MYO9B: variants seen among roughly 807,000 people sequenced by gnomAD.
The protein encoded by MYO9B is myosin IXB, also known as unconventional myosin-IXb.
In MYO9B, 71 loss-of-function variants were observed where a neutral mutation model predicts 229.5. The observed-to-expected ratio is 0.31, with a 90% CI of 0.26 to 0.38. The LOEUF is 0.38. MYO9B is among the 10% of genes least tolerant of loss of function. The pLI is 1.00. For synonymous variants in MYO9B, 1,185 were observed against 1,235.8 expected (o/e 0.96, Z 0.86); for missense variants, 2,255 against 2,920.5 (o/e 0.77, Z 5.25).
intron 2 of MYO9B, among the ~76,000 whole-genome samples, chr19:17,120,786 G>GGAGAGA (rs141471234): frequency 6.6e-6 from 1 of 151,594 alleles, no homozygotes; most frequent in Non-Finnish European, 1.5e-5. Context: ...TATATGTTCT[G>GGAGAGA]GAGAGAGAGA....
chr19:17,165,910 C>T (rs2072654016), intron 10 of MYO9B, among the ~76,000 whole-genome samples: 1 of 152,168 alleles, frequency 6.6e-6, no homozygotes, highest in Non-Finnish European at 1.5e-5. Flanking sequence ...TGGCACATAG[C>T]CTTTGGTTTG....
chr19:17,193,176 T>C lies in MYO9B; in HGVS notation c.3128+114T>C. 8.3e-7 allele frequency: 1 copy of C among 1,198,694 alleles called. No individual in the cohort carries two copies. Among genetic ancestry groups the C allele is most frequent in the Non-Finnish European group, 1.1e-6 (1 of 902,258 alleles). 74.3% of individuals were successfully genotyped at this position (1,198,694 alleles called of 1,614,324 possible). On this transcript the variant is annotated intron_variant, in intron 21 of 39. Transcript: ENST00000682292. The surrounding 1 kb of genome is among the most constrained non-coding windows in gnomAD (Gnocchi z 4.3). ...CTGTGGCACTAAGGGGATGTCATTC[T>C]GGACACAGGGAAAGGCTGGTGGGAA...
At position 17,172,339 on chromosome 19, in the gene MYO9B, C is replaced by T. The variant is rs2072733881; in HGVS notation, c.1797C>T (p.Phe599=). 6.2e-7 allele frequency: 1 copy of T among 1,613,886 alleles called. No individual in the cohort carries two copies. Among genetic ancestry groups the T allele is most frequent in the Non-Finnish European group, 8.5e-7 (1 of 1,179,828 alleles). The change falls in exon 12 of 40, where the codon TTC becomes TTT. Residue 599 remains phenylalanine, a synonymous_variant. Coordinates refer to ENST00000682292, the MANE Select transcript of MYO9B (RefSeq NM_004145.4). The surrounding 1 kb of genome is among the most constrained non-coding windows in gnomAD (Gnocchi z 8.2). ...LFYLLDEESN[F]PHATSQTLLA... The stretch of plus-strand genomic sequence containing the variant: ...AGGTTCCATGTTCTGTTCCCAGCTT[C>T]CCCCACGCCACGAGCCAGACCCTGC...
chr19:17,188,031 A>AAGTACACGTTCCAGGTAGGCCACAAGCAC lies in MYO9B; in HGVS notation c.2676_2688+16dup. The AAGTACACGTTCCAGGTAGGCCACAAGCAC allele has an allele frequency of 1.3e-6, 2 of 1,595,296 alleles. No homozygotes were observed. Among genetic ancestry groups the AAGTACACGTTCCAGGTAGGCCACAAGCAC allele is most frequent in the Non-Finnish European group, 1.7e-6 (2 of 1,171,142 alleles). On this transcript the variant is annotated frameshift_variant, in exon 19 of 40. Transcript: ENST00000682292. LOFTEE classifies it high-confidence loss of function. ...CATCCGGAGGTCAGGGTACAGCGCC[A>AAGTACACGTTCCAGGTAGGCCACAAGCAC]AGTACACGTTCCAGGTAGGCCACAA...
intron 1 of MYO9B, among the ~76,000 whole-genome samples, chr19:17,098,049 C>A (rs1005999576): frequency 2.0e-5 from 3 of 147,780 alleles, no homozygotes; most frequent in South Asian, 2.2e-4. Context: ...TTCAGAACCC[C>A]CCCCCCCCAC....
At chr19:17,136,103 G>A (rs1045315705) in intron 2 of MYO9B, among the ~76,000 whole-genome samples, 2 of 150,748 alleles carry the variant, frequency 1.3e-5, no homozygotes, top group African/African-American at 2.4e-5. Flanking sequence ...TTCCTGGGAC[G>A]TTATTTTAGG....
chr19:17,206,238 C>A lies in MYO9B; in HGVS notation c.5258-10C>A. On this transcript the variant is annotated splice_polypyrimidine_tract_variant and intron_variant, in intron 32 of 39. Transcript: ENST00000682292. ...CGCCGCTCACCAGACCCACCCCACC[C>A]ACCCCACAGACCCCGCAGCAGTCAA... is the stretch of plus-strand genomic sequence containing the variant. 3 of 1,566,302 alleles carry A rather than the reference C, an allele frequency of 1.9e-6. No homozygotes were observed. The highest frequency in any genetic ancestry group is 2.7e-5 in the African/African-American group (2 of 73,718).
chr19:17,195,990 TG>T lies in MYO9B; in HGVS notation c.4046+522del, dbSNP rs2073038089. On this transcript the variant is annotated intron_variant, in intron 22 of 39. Coordinates refer to ENST00000682292, the MANE Select transcript of MYO9B (RefSeq NM_004145.4). This position sits in a 1 kb window ranked among gnomAD's most constrained non-coding sequence, Gnocchi z 4.5. Reference sequence around the variant, plus strand: ...CTGCTCAGCCTCCCACTGCTCGTATTGGGGGCCAGATCATTCTCTGCGGTGG... The same window carrying T: ...CTGCTCAGCCTCCCACTGCTCGTATTGGGGCCAGATCATTCTCTGCGGTGG... Among the ~76,000 whole-genome samples, 1 of 151,716 alleles carries T rather than the reference TG, an allele frequency of 6.6e-6. No individual in the cohort carries two copies. Among genetic ancestry groups the T allele is most frequent in the African/African-American group, 2.4e-5 (1 of 41,286 alleles).
intron 1 of MYO9B, among the ~76,000 whole-genome samples, chr19:17,088,263 A>T (rs1463022291): frequency 6.6e-6 from 1 of 152,066 alleles, no homozygotes; most frequent in Non-Finnish European, 1.5e-5. Flanking sequence ...CTGTGTGCAC[A>T]TGTCTCTTTT....
Position 17,102,143 on chromosome 19 carries a change from A to G in MYO9B, c.426A>G (p.Pro142=). The stretch of plus-strand genomic sequence containing the variant: ...GCCTAGTGGAGCGTGGCCTCCTGCC[A>G]CGGCAGCAGGCGGACTTTGATGACC... ...TRRLVERGLL[P]RQQADFDDLC... is the part of the protein sequence containing the mutation. The change falls in exon 2 of 40, where the codon CCA becomes CCG. Residue 142 remains proline (P), a synonymous_variant. Coordinates refer to ENST00000682292, the MANE Select transcript of MYO9B (RefSeq NM_004145.4). 1 of 1,613,662 alleles carries G rather than the reference A, an allele frequency of 6.2e-7. No individual in the cohort carries two copies. The highest frequency in any genetic ancestry group is 8.5e-7 in the Non-Finnish European group (1 of 1,179,862).
In MYO9B at chr19:17,191,137, C is replaced by T. The variant is rs1467769816; in HGVS notation, c.2729C>T (p.Ala910Val). Residue 910 changes from alanine to valine, a missense_variant, in exon 20 of 40, where the codon GCC (alanine) becomes GTC (valine). Physicochemically the swap from Ala to Val is moderately conservative, Grantham distance 64. Around this residue, in one of 7 missense-constraint regions of MYO9B, gnomAD observed 679 missense variants for 770.2 expected, o/e 0.88. Transcript: ENST00000682292. ...EQFQVLLPKD[A>V]QPCREVISTL... ...TTCCAGGTGCTCCTGCCCAAGGATG[C>T]CCAGCCCTGCAGGGAGGTCATCTCC... The T allele has an allele frequency of 6.2e-7, 1 of 1,612,484 alleles. No homozygotes were observed. The highest frequency in any genetic ancestry group is 8.5e-7 in the Non-Finnish European group (1 of 1,179,180).
chr19:17,206,225 G>GCGGC, intron 32 of MYO9B, 23 bp from the exon 33 acceptor site: 4 of 1,564,608 alleles, frequency 2.6e-6, no homozygotes, highest in Non-Finnish European at 3.5e-6. Context: ...CCGCTCACCA[G>GCGGC]ACCCACCCCA....
chr19:17,186,133 G>A, intron 18 of MYO9B, 132 bp downstream of exon 18: 1 of 733,562 alleles, frequency 1.4e-6, no homozygotes, highest in Non-Finnish European at 2.3e-6. Context: ...AGGCAGCCGG[G>A]GATGGAGAAT....
intron 11 of MYO9B, among the ~76,000 whole-genome samples, chr19:17,171,441 A>G (rs1271076738): frequency 1.3e-5 from 2 of 152,076 alleles, no homozygotes; most frequent in Non-Finnish European, 2.9e-5. Context: ...TATGGCATTG[A>G]GGTACAAATG....
chr19:17,134,041 G>A (rs1439897277), intron 2 of MYO9B, among the ~76,000 whole-genome samples: 4 of 152,098 alleles, frequency 2.6e-5, no homozygotes, highest in Non-Finnish European at 2.9e-5. Context: ...GATTACAGGC[G>A]TGAGCCACCA....
chr19:17,113,331 G>A (rs550286404), intron 2 of MYO9B, among the ~76,000 whole-genome samples: 139 of 152,264 alleles, frequency 9.1e-4, no homozygotes, highest in African/African-American at 3.2e-3. Flanking sequence ...GTCCAGGGCC[G>A]GGTTGGGGAA....
intron 30 of MYO9B, among the ~76,000 whole-genome samples, chr19:17,203,828 C>T (rs1249471875): frequency 6.6e-6 from 1 of 152,064 alleles, no homozygotes; most frequent in East Asian, 1.9e-4. Context: ...TCTCTGTACA[C>T]GCTGCTCCAC....
At chr19:17,171,981 G>A (rs933010948) in intron 11 of MYO9B, among the ~76,000 whole-genome samples, 1 of 152,158 alleles carries the variant, frequency 6.6e-6, no homozygotes, top group African/African-American at 2.4e-5. Context: ...AGCCTTGAGA[G>A]CGTCACTTCA....
In MYO9B at chr19:17,194,632, G is replaced by A. The variant is rs1460177369; in HGVS notation, c.3205G>A (p.Ala1069Thr). ...AGCCCTGGAAGCCGCAAGAGCAGGTGCTGAGGAGGGCGGACAGGGTCAGGC... is the reference window on the plus strand; with the variant it reads ...AGCCCTGGAAGCCGCAAGAGCAGGTACTGAGGAGGGCGGACAGGGTCAGGC... ...REALEAARAG[A>T]EEGGQGQAAG... is the part of the protein sequence containing the mutation. The change falls in exon 22 of 40, where the codon GCT (alanine) becomes ACT (threonine). Residue 1069 changes from alanine to threonine, a missense_variant. Ala to Thr is a moderately conservative substitution (Grantham distance 58). Coordinates refer to ENST00000682292, the MANE Select transcript of MYO9B (RefSeq NM_004145.4). 3.1e-6 allele frequency: 5 copies of A among 1,612,736 alleles called. No individual in the cohort carries two copies. The highest frequency in any genetic ancestry group is 3.3e-5 in the Admixed American group (2 of 59,982).
Sources: gnomAD v4.1 joint callset for allele counts (sites outside exome capture counted in the v4.1 genomes callset) on GRCh38, gnomAD v4.1.1 for gene constraint, gnomAD v4.1.1 regional missense constraint, Gnocchi (gnomAD v3.1) non-coding constraint, MANE v1.5 for transcripts, NCBI Gene and HGNC (gene_info 2026-07-23, HGNC 2026-07-21) for gene names.